Variants in TEX48 observed in about 807,000 individuals in gnomAD.
TEX48 encodes testis-expressed protein 48.
Under a neutral mutation model 13.2 loss-of-function variants are expected in TEX48, and 10 were observed. The ratio of observed to expected loss-of-function variants is 0.75; its 90% confidence interval spans 0.47 to 1.28. TEX48 has a LOEUF of 1.28. TEX48 is among the 50% of genes most tolerant of loss of function. TEX48 has a pLI of 0.00. For synonymous variants in TEX48, 45 were observed against 52.3 expected, an observed-to-expected ratio of 0.86 and a Z score of 0.60; for missense variants, 116 against 139.4, an observed-to-expected ratio of 0.83 and a Z score of 0.84.
chr9:114,671,919 C>G, intron 1 of TEX48, 92 bp from the exon 2 acceptor site: 1 of 615,802 alleles, frequency 1.6e-6, no homozygotes, highest in East Asian at 2.8e-5. Context: ...AATCCCACCT[C>G]ATGCAGACAT....
intron 1 of TEX48, among the ~76,000 whole-genome samples, chr9:114,672,217 G>A (rs1827962476): frequency 6.6e-6 from 1 of 152,172 alleles, no homozygotes; most frequent in South Asian, 2.1e-4. Context: ...CTATGGAAAG[G>A]AAGCATATGG....
At position 114,666,719 on chromosome 9, in the gene TEX48, T is replaced by C; in HGVS notation, c.287A>G (p.Asn96Ser). ...EDLNAYASQR[N>S]FYKRNLNRYC... ...GCGGTTTAAGTTTCTCTTGTAAAAA[T>C]TTCTTTGGGAAGCATATGCATTCAG... The change falls in exon 5 of 5, where the codon AAT becomes AGT. Residue 96 changes from asparagine (N) to serine (S), a missense_variant. Coordinates refer to ENST00000436752, the MANE Select transcript of TEX48 (RefSeq NM_001199233.2). The C allele has an allele frequency of 6.5e-7, 1 of 1,534,618 alleles. No homozygotes were observed. Among genetic ancestry groups the C allele is most frequent in the East Asian group, 2.4e-5 (1 of 40,896 alleles).
rs557598825 is a variant in TEX48 at position 114,671,580 on chromosome 9, G to T, written c.5-75C>A. 23 of 1,529,212 alleles carry T rather than the reference G, an allele frequency of 1.5e-5. No homozygotes were observed. The Admixed American group carries it at 2.6e-4, about 17-fold the overall frequency. 94.7% of individuals were successfully genotyped at this position (1,529,212 alleles called of 1,614,324 possible). On this transcript the variant is annotated intron_variant, in intron 2 of 4. Coordinates refer to ENST00000436752, the MANE Select transcript of TEX48 (RefSeq NM_001199233.2). ...AGATGCCTATTGGAAATTGACTGTG[G>T]TGGGGGTATCATTGGGTCAGCCTCT...
intron 3 of TEX48, among the ~76,000 whole-genome samples, chr9:114,668,822 G>C (rs562224488): frequency 4.1e-4 from 63 of 152,114 alleles, no homozygotes; most frequent in African/African-American, 1.5e-3. Context: ...ATGTATTATG[G>C]ATGAATTTTA....
At chr9:114,668,583 T>A (rs1035575550) in intron 3 of TEX48, among the ~76,000 whole-genome samples, 11 of 152,220 alleles carry the variant, frequency 7.2e-5, no homozygotes, top group African/African-American at 2.4e-4. Flanking sequence ...ACATATGAAA[T>A]TTTGTTACAT....
chr9:114,676,741 C>A (rs113204238), intron 1 of TEX48, among the ~76,000 whole-genome samples: 33 of 151,936 alleles, frequency 2.2e-4, no homozygotes, highest in Admixed American at 3.9e-4. Context: ...CTCAGCCTCC[C>A]GAGTAGCTGG....
At chr9:114,678,756 T>G (rs1296877002) in intron 1 of TEX48, among the ~76,000 whole-genome samples, 3 of 151,108 alleles carry the variant, frequency 2.0e-5, no homozygotes, top group African/African-American at 7.3e-5. Flanking sequence ...GAGAGAGTAT[T>G]GCTTGAATTT....
rs1305741410 is a variant in TEX48, at chr9:114,668,211, A to G, written c.254T>C (p.Phe85Ser). ...GACCCCAATTTGGGACTCACCCTCA[A>G]ACTCACTGCTGCTGGAGGAAGTGCT... Reference protein sequence around the residue: ...KKSTSSSSSEFEDLNAYASQR... With the variant: ...KKSTSSSSSESEDLNAYASQR... Residue 85 changes from phenylalanine (F) to serine (S), a missense_variant, in exon 4 of 5, where the codon TTT becomes TCT. Coordinates refer to ENST00000436752, the MANE Select transcript of TEX48 (RefSeq NM_001199233.2). 6.5e-7 allele frequency: 1 copy of G among 1,535,642 alleles called. No individual in the cohort carries two copies. Among genetic ancestry groups the G allele is most frequent in the Admixed American group, 2.0e-5 (1 of 50,998 alleles).
Position 114,677,795 on chromosome 9 carries a change from T to C in TEX48, c.-105+4240A>G, listed in dbSNP as rs77936065. Among the ~76,000 whole-genome samples, 228 of 152,010 alleles carry C rather than the reference T, an allele frequency of 1.5e-3. 6 individuals carry two copies. The East Asian group carries it at 0.038, about 25-fold the overall frequency. On this transcript the variant is annotated intron_variant, in intron 1 of 4. Coordinates refer to ENST00000436752, the MANE Select transcript of TEX48 (RefSeq NM_001199233.2). Reference sequence around the variant, plus strand: ...TTTTTAGCTTATATTCGGGAGTCAGTAATTTTCAGGTTTTTGATCATGTGG... The same window carrying C: ...TTTTTAGCTTATATTCGGGAGTCAGCAATTTTCAGGTTTTTGATCATGTGG...
chr9:114,666,815 G>A, intron 4 of TEX48, 69 bp from the exon 5 acceptor site: 1 of 804,164 alleles, frequency 1.2e-6, no homozygotes. Flanking sequence ...AACTGTTTTG[G>A]TTGTTTGTAT....
intron 1 of TEX48, 41 bp downstream of exon 1, chr9:114,681,994 T>C (rs11794234): frequency 0.074 from 11,222 of 152,222 alleles, 545 homozygotes; most frequent in Non-Finnish European, 0.097. Flanking sequence ...AGAAAAATTA[T>C]CACCTCCCGC....
At chr9:114,667,199 A>T (rs62579740) in intron 4 of TEX48, among the ~76,000 whole-genome samples, 35,516 of 152,114 alleles carry the variant, frequency 0.23, 4,354 homozygotes, top group African/African-American at 0.32. Flanking sequence ...TTTATAGAAA[A>T]TGGACTCTGT....
At position 114,671,843 on chromosome 9, in the gene TEX48, A is replaced by G. The variant is rs1827954760; in HGVS notation, c.-104-16T>C. Reference sequence around the variant, plus strand: ...GGGCTGTTTCCTAAGTAAACATAAGACCGTGGCTGAAAAATGCTAGTCCTT... The same window carrying G: ...GGGCTGTTTCCTAAGTAAACATAAGGCCGTGGCTGAAAAATGCTAGTCCTT... On this transcript the variant is annotated splice_polypyrimidine_tract_variant and intron_variant, in intron 1 of 4. Transcript: ENST00000436752. 8.7e-7 allele frequency: 1 copy of G among 1,145,302 alleles called. No individual in the cohort carries two copies. Among genetic ancestry groups the G allele is most frequent in the African/African-American group, 1.5e-5 (1 of 65,194 alleles). 70.9% of individuals were successfully genotyped at this position (1,145,302 alleles called of 1,614,324 possible).
At chr9:114,678,285 T>C (rs1217395457) in intron 1 of TEX48, among the ~76,000 whole-genome samples, 1 of 152,126 alleles carries the variant, frequency 6.6e-6, no homozygotes, top group African/African-American at 2.4e-5. Flanking sequence ...TCTTACTCCT[T>C]CCCCTGGCTG....
At chr9:114,680,592 A>G (rs1178875746) in intron 1 of TEX48, among the ~76,000 whole-genome samples, 1 of 152,232 alleles carries the variant, frequency 6.6e-6, no homozygotes, top group Non-Finnish European at 1.5e-5. Context: ...TGTACATGGA[A>G]AAATGGAACT....
Position 114,666,526 on chromosome 9 carries a change from G to T in TEX48, c.*117C>A, listed in dbSNP as rs983630849. The T allele has an allele frequency of 1.6e-5, 10 of 614,142 alleles. No individual in the cohort carries two copies. Among genetic ancestry groups the T allele is most frequent in the African/African-American group, 1.5e-4 (8 of 53,508 alleles). 38.0% of individuals were successfully genotyped at this position (614,142 alleles called of 1,614,324 possible). A position where few individuals can be genotyped will look rare whatever the true frequency, so the allele number is the denominator to read the frequency against. On this transcript the variant is annotated 3_prime_UTR_variant, in exon 5 of 5. Coordinates refer to ENST00000436752, the MANE Select transcript of TEX48 (RefSeq NM_001199233.2). ...ACTCTTGCTTGGTGGCACAAGGATG[G>T]CTCAGATGTCTTCTCCTCCTTCAGG...
At chr9:114,670,788 C>CT (rs1162384320) in intron 3 of TEX48, among the ~76,000 whole-genome samples, 5 of 152,196 alleles carry the variant, frequency 3.3e-5, no homozygotes, top group Non-Finnish European at 5.9e-5. Flanking sequence ...AGAACATACT[C>CT]TATCCTGATC....
rs1249712095 is a variant in TEX48, at chr9:114,674,628, TC to T, written c.-104-2802del. 2.6e-4 allele frequency among the ~76,000 whole-genome samples: 34 copies of T among 129,922 alleles called. 1 individual carries two copies. Among genetic ancestry groups the T allele is most frequent in the Middle Eastern group, 3.5e-3 (1 of 282 alleles). 85.2% of individuals were successfully genotyped at this position (129,922 alleles called of 152,430 possible). A position where few individuals can be genotyped will look rare whatever the true frequency, so the allele number is the denominator to read the frequency against. ...TTCCTTCCTTCCTTCCTTCCTTCCT[TC>T]CTTCCTTCCTTCCTTCCTTCCTTCC... On this transcript the variant is annotated intron_variant, in intron 1 of 4. Coordinates refer to ENST00000436752, the MANE Select transcript of TEX48 (RefSeq NM_001199233.2).
intron 1 of TEX48, among the ~76,000 whole-genome samples, chr9:114,674,658 CTTCCTTCCTTCT>C (rs1564317175): frequency 1.8e-5 from 1 of 54,566 alleles, no homozygotes; most frequent in African/African-American, 1.1e-4. Context: ...TCCTTCCTTC[CTTCCTTCCTTCT>C]TTCCTTCTCT....
Sources: allele counts gnomAD v4.1 joint callset (sites outside exome capture counted in the v4.1 genomes callset), GRCh38; gene constraint gnomAD v4.1.1; transcripts MANE v1.5; gene names NCBI Gene and HGNC (gene_info 2026-07-23, HGNC 2026-07-21).